The following UBR3 variants were observed in gnomAD, a reference collection of about 807,000 sequenced individuals.
The protein encoded by UBR3 is E3 ubiquitin-protein ligase UBR3.
In UBR3, 85 loss-of-function variants were observed where a neutral mutation model predicts 243.2. The ratio of observed to expected loss-of-function variants is 0.35; its 90% CI spans 0.29 to 0.42. UBR3 has a LOEUF of 0.42. Ranked by LOEUF, UBR3 falls within the 10% of genes least tolerant of loss-of-function variation. The probability of loss-of-function intolerance (pLI) is 1.00; values close to 1 mark genes in which losing one functional copy is unlikely to be tolerated. For missense variants in UBR3, 1,686 were observed against 2,300.8 expected (o/e 0.73, Z 5.47); for synonymous variants, 748 against 799.8 (o/e 0.94, Z 1.09).
At chr2:170,005,006 G>T (rs932637077) in intron 27 of UBR3, among the ~76,000 whole-genome samples, 1 of 152,128 alleles carries the variant, frequency 6.6e-6, no homozygotes, top group African/African-American at 2.4e-5. Flanking sequence ...GATGGATCAC[G>T]AGGTCAGGAG....
intron 1 of UBR3, among the ~76,000 whole-genome samples, chr2:169,844,490 CTCTT>C (rs2082400703): frequency 9.6e-6 from 1 of 104,152 alleles, no homozygotes; most frequent in Non-Finnish European, 1.8e-5. Context: ...GAAACCCTCT[CTCTT>C]TTTTTTTTTT....
intron 10 of UBR3, among the ~76,000 whole-genome samples, chr2:169,913,020 T>C (rs1190958791): frequency 6.6e-6 from 1 of 152,212 alleles, no homozygotes; most frequent in Admixed American, 6.5e-5. Context: ...TGGCCTCAAG[T>C]GATCCTTCTG....
chr2:169,858,035 G>A (rs1054312062), intron 1 of UBR3, among the ~76,000 whole-genome samples: 4 of 152,188 alleles, frequency 2.6e-5, no homozygotes, highest in African/African-American at 4.8e-5. Flanking sequence ...GTTACCTATT[G>A]TTGTGTAACA....
intron 1 of UBR3, among the ~76,000 whole-genome samples, chr2:169,838,637 C>T (rs537221750): frequency 7.2e-5 from 11 of 152,148 alleles, no homozygotes; most frequent in African/African-American, 2.4e-4. Flanking sequence ...AGGGGACACA[C>T]GTTCAGACTG....
At position 169,857,064 on chromosome 2, in the gene UBR3, G is replaced by GTTTTTTTTTTTTTTTTT. The variant is rs770674966; in HGVS notation, c.546-15161_546-15145dup. The stretch of plus-strand genomic sequence containing the variant: ...ATGATTTCCAGCATAATTTTATTAT[G>GTTTTTTTTTTTTTTTTT]TTTTTTTTTTTTTTTTTTTTTTTTT... On this transcript the variant is annotated intron_variant, in intron 1 of 38. Transcript: ENST00000272793. Among the ~76,000 whole-genome samples, 83 of 56,084 alleles carry GTTTTTTTTTTTTTTTTT rather than the reference G, an allele frequency of 1.5e-3. 18 individuals are homozygous for GTTTTTTTTTTTTTTTTT. The highest frequency in any genetic ancestry group is 3.5e-3 in the East Asian group (4 of 1,150). 36.8% of individuals were successfully genotyped at this position (56,084 alleles called of 152,430 possible).
At chr2:169,912,193 C>A (rs1312148358) in intron 10 of UBR3, among the ~76,000 whole-genome samples, 1 of 145,636 alleles carries the variant, frequency 6.9e-6, no homozygotes, top group Non-Finnish European at 1.5e-5. Flanking sequence ...ATACGTGATG[C>A]CCCAAAATAT....
chr2:169,967,580 G>C (rs1203945273), intron 24 of UBR3, among the ~76,000 whole-genome samples: 2 of 151,998 alleles, frequency 1.3e-5, no homozygotes, highest in Non-Finnish European at 2.9e-5. Flanking sequence ...AAAAATTGAG[G>C]CCTGTTGTTT....
intron 24 of UBR3, among the ~76,000 whole-genome samples, chr2:169,974,296 G>A (rs1356404640): frequency 6.6e-6 from 1 of 152,040 alleles, no homozygotes; most frequent in African/African-American, 2.4e-5. Context: ...ATGTGGTCCT[G>A]GGCTTTTCTT....
chr2:170,040,936 A>G lies in UBR3; in HGVS notation c.4611A>G (p.Thr1537=). Reference sequence around the variant, plus strand: ...TTCCAATTCTTTATCATGATGTAACATCCCTTTTGCTCATCCAGATCTTAA... The same window carrying G: ...TTCCAATTCTTTATCATGATGTAACGTCCCTTTTGCTCATCCAGATCTTAA... ...PEVPILYHDV[T]SLLLIQILMM... The change falls in exon 32 of 39, where the codon ACA becomes ACG. Residue 1537 remains threonine (T), a synonymous_variant. Coordinates refer to ENST00000272793, the MANE Select transcript of UBR3 (RefSeq NM_172070.4). The G allele has an allele frequency of 6.2e-7, 1 of 1,613,574 alleles. No homozygotes were observed. Among genetic ancestry groups the G allele is most frequent in the Non-Finnish European group, 8.5e-7 (1 of 1,179,732 alleles).
chr2:169,942,784 A>T, intron 20 of UBR3, 150 bp downstream of exon 20: 1 of 814,568 alleles, frequency 1.2e-6, no homozygotes, highest in Non-Finnish European at 1.7e-6. Flanking sequence ...AATCACATGT[A>T]TTTGAAATCC....
At chr2:169,964,209 T>C (rs936548014) in intron 24 of UBR3, among the ~76,000 whole-genome samples, 2 of 152,154 alleles carry the variant, frequency 1.3e-5, no homozygotes, top group African/African-American at 2.4e-5. Flanking sequence ...ACCAAAGATA[T>C]ATAGTCAAAG....
intron 33 of UBR3, among the ~76,000 whole-genome samples, chr2:170,055,982 T>C (rs1353765657): frequency 2.7e-5 from 4 of 150,610 alleles, no homozygotes; most frequent in African/African-American, 9.9e-5. Flanking sequence ...CTTCTAAATT[T>C]AAAATCCTAG....
At chr2:169,965,568 C>T (rs534626660) in intron 24 of UBR3, among the ~76,000 whole-genome samples, 3 of 152,264 alleles carry the variant, frequency 2.0e-5, no homozygotes, top group Admixed American at 6.5e-5. Context: ...CATCACTGCT[C>T]TTATACTTTG....
At chr2:169,850,399 G>C (rs1374200571) in intron 1 of UBR3, among the ~76,000 whole-genome samples, 2 of 152,090 alleles carry the variant, frequency 1.3e-5, no homozygotes, top group Non-Finnish European at 2.9e-5. Flanking sequence ...GGCTGGTCTT[G>C]AACTCCTTGA....
At chr2:169,855,978 G>GC (rs1250814340) in intron 1 of UBR3, among the ~76,000 whole-genome samples, 2 of 149,382 alleles carry the variant, frequency 1.3e-5, no homozygotes, top group Non-Finnish European at 3.0e-5. Flanking sequence ...GGCGGGGGCT[G>GC]CCCCCCACCT....
chr2:169,988,918 A>G (rs892510442), intron 25 of UBR3, among the ~76,000 whole-genome samples: 35 of 152,096 alleles, frequency 2.3e-4, no homozygotes, highest in Non-Finnish European at 8.8e-5. Context: ...TTATCCACCC[A>G]TTGATACTTT....
intron 36 of UBR3, chr2:170,077,537 C>G: frequency 1.3e-6 from 1 of 774,194 alleles, no homozygotes; most frequent in South Asian, 2.1e-5. Flanking sequence ...CCATCTCCAA[C>G]AAAGCAGACT....
At chr2:169,829,196 C>A (rs1050797079) in intron 1 of UBR3, among the ~76,000 whole-genome samples, 8 of 151,966 alleles carry the variant, frequency 5.3e-5, no homozygotes, top group African/African-American at 1.7e-4. Context: ...TTTGTACCTA[C>A]TATGTGCAAG....
At position 169,950,080 on chromosome 2, in the gene UBR3, T is replaced by C. The variant is rs2086951727; in HGVS notation, c.3545+15T>C. 3 of 1,530,358 alleles carry C rather than the reference T, an allele frequency of 2.0e-6. No individual in the cohort carries two copies. Among genetic ancestry groups the C allele is most frequent in the Non-Finnish European group, 2.6e-6 (3 of 1,143,606 alleles). 94.8% of individuals were successfully genotyped at this position (1,530,358 alleles called of 1,614,324 possible). On this transcript the variant is annotated intron_variant, in intron 23 of 38. Coordinates refer to ENST00000272793, the MANE Select transcript of UBR3 (RefSeq NM_172070.4). ...AAAGAAGAAAGGTAATTTTTATTTT[T>C]AATGTTTTAAACGTGTGTATAGTTG... is the stretch of plus-strand genomic sequence containing the variant.
Sources: allele counts gnomAD v4.1 joint callset (sites outside exome capture counted in the v4.1 genomes callset), GRCh38; gene constraint gnomAD v4.1.1; transcripts MANE v1.5; gene names NCBI Gene and HGNC (gene_info 2026-07-23, HGNC 2026-07-21).